SPTB: variants seen among roughly 807,000 people sequenced by gnomAD.
SPTB encodes spectrin beta, erythrocytic.
A neutral mutation model predicts 256.2 loss-of-function variants in SPTB; 45 were observed. The ratio of observed to expected loss-of-function variants is 0.18; its 90% CI spans 0.14 to 0.23. SPTB has a LOEUF of 0.23. SPTB is among the 10% of genes least tolerant of loss of function. The probability of loss-of-function intolerance (pLI) is 1.00; values close to 1 mark genes in which losing one functional copy is unlikely to be tolerated. For synonymous variants in SPTB, 1,231 were observed against 1,243.1 expected (o/e 0.99, Z 0.21); for missense variants, 2,715 against 3,040.4 (o/e 0.89, Z 2.52).
chr14:64,805,023 G>C lies in SPTB; in HGVS notation c.216C>G (p.Ser72=). The C allele has an allele frequency of 1.2e-6, 2 of 1,613,856 alleles. No homozygotes were observed. Among genetic ancestry groups the C allele is most frequent in the Non-Finnish European group, 1.7e-6 (2 of 1,179,954 alleles). The change falls in exon 3 of 36, where the codon TCC becomes TCG. Residue 72 remains serine (S), a synonymous_variant. Transcript: ENST00000644917. The part of the protein sequence containing the change: ...KWVNSHLARV[S]CRITDLYKDL... ...CCTTGTAGAGATCGGTGATGCGGCAGGACACTCGAGCCAGGTGCGAGTTCA... is the reference window on the plus strand; with the variant it reads ...CCTTGTAGAGATCGGTGATGCGGCACGACACTCGAGCCAGGTGCGAGTTCA...
Position 64,786,028 on chromosome 14 carries a change from C to G in SPTB, c.3562-77G>C, listed in dbSNP as rs1311567592. ...GAGCACACCTCCCAAGTGGGAGCAC[C>G]ACGTGCAGCCACACAGGCCACGGTA... is the stretch of plus-strand genomic sequence containing the variant. On this transcript the variant is annotated intron_variant, in intron 16 of 35. Coordinates refer to ENST00000644917, the MANE Select transcript of SPTB (RefSeq NM_001355436.2). This position sits in a 1 kb window ranked among gnomAD's most constrained non-coding sequence, Gnocchi z 5.6. The G allele has an allele frequency of 1.4e-6, 2 of 1,432,894 alleles. No individual in the cohort carries two copies. Among genetic ancestry groups the G allele is most frequent in the African/African-American group, 1.4e-5 (1 of 71,270 alleles). The allele number at this position is 1,432,894 out of a possible 1,614,324, so 88.8% of individuals were successfully genotyped here.
intron 24 of SPTB, 29 bp from the exon 25 acceptor site, chr14:64,773,453 G>A: frequency 1.2e-6 from 2 of 1,610,770 alleles, no homozygotes; most frequent in Non-Finnish European, 1.7e-6. Context: ...AAGGCCCTCA[G>A]AGACGGCAGC....
chr14:64,837,674 T>C (rs2139742964), intron 1 of SPTB, among the ~76,000 whole-genome samples: 1 of 152,350 alleles, frequency 6.6e-6, no homozygotes, highest in South Asian at 2.1e-4. Flanking sequence ...CGATCTCAGC[T>C]CACTGCAACC....
At chr14:64,833,283 G>A (rs1474626736) in intron 1 of SPTB, among the ~76,000 whole-genome samples, 1 of 152,204 alleles carries the variant, frequency 6.6e-6, no homozygotes, top group African/African-American at 2.4e-5. Context: ...GGGCGCGGTG[G>A]CTCACGCCCA....
chr14:64,836,776 G>A (rs2083529166), intron 1 of SPTB, among the ~76,000 whole-genome samples: 1 of 152,314 alleles, frequency 6.6e-6, no homozygotes, highest in African/African-American at 2.4e-5. Context: ...CACATGGTAG[G>A]TACTCAATTA....
At position 64,763,509 on chromosome 14, in the gene SPTB, C is replaced by T. The variant is rs557879542; in HGVS notation, c.6345+3217G>A. On this transcript the variant is annotated intron_variant, in intron 32 of 35. Transcript: ENST00000644917. ...AAGAGGAAAGTGGTGAAAACCACCT[C>T]TCCCAGCCCCTCCCTGTAATTTGCT... Among the ~76,000 whole-genome samples, 33 of 152,394 alleles carry T rather than the reference C, an allele frequency of 2.2e-4. No individual in the cohort carries two copies. The South Asian group carries it at 3.7e-3, about 17-fold the overall frequency.
In SPTB at chr14:64,770,953, G is replaced by C; in HGVS notation, c.5730C>G (p.Ser1910Arg). 1 of 1,614,138 alleles carries C rather than the reference G, an allele frequency of 6.2e-7. No individual in the cohort carries two copies. The highest frequency in any genetic ancestry group is 8.5e-7 in the Non-Finnish European group (1 of 1,180,038). The change falls in exon 27 of 36, where the codon AGC (serine) becomes AGG (arginine). Residue 1910 changes from serine (S) to arginine (R), a missense_variant. This residue lies in a region of SPTB where 2,239 missense variants were observed against 2,384.4 expected (regional missense o/e 0.94). Coordinates refer to ENST00000644917, the MANE Select transcript of SPTB (RefSeq NM_001355436.2). ...TCCAGGAGAGGAGGTCACGGGCCATGCTGAAGAAGCGGAATTTATCCGCCG... is the reference window on the plus strand; with the variant it reads ...TCCAGGAGAGGAGGTCACGGGCCATCCTGAAGAAGCGGAATTTATCCGCCG... Reference protein sequence around the residue: ...VDTADKFRFFSMARDLLSWME... With the variant: ...VDTADKFRFFRMARDLLSWME...
Position 64,801,742 on chromosome 14 carries a change from C to T in SPTB, c.647+12G>A. ...TCTCAGTCAGTCCCCACGGCTGTCC[C>T]CTCCCTCTTACCGGTGCTTGTGTAT... is the stretch of plus-strand genomic sequence containing the variant. On this transcript the variant is annotated intron_variant, in intron 6 of 35. Transcript: ENST00000644917. 1 of 1,613,524 alleles carries T rather than the reference C, an allele frequency of 6.2e-7. No individual in the cohort carries two copies. The highest frequency in any genetic ancestry group is 8.5e-7 in the Non-Finnish European group (1 of 1,179,534).
At chr14:64,870,252 G>A (rs1055572375) in intron 1 of SPTB, among the ~76,000 whole-genome samples, 4 of 151,096 alleles carry the variant, frequency 2.6e-5, no homozygotes, top group African/African-American at 7.3e-5. Context: ...AATCCACAAG[G>A]AAAATTTTAA....
chr14:64,812,237 A>C (rs2750083), intron 2 of SPTB, among the ~76,000 whole-genome samples: 17,866 of 152,230 alleles, frequency 0.12, 1,842 homozygotes, highest in African/African-American at 0.27. Flanking sequence ...GCGTGAGCCA[A>C]CGCGCCCAGC....
Position 64,785,566 on chromosome 14 carries a change from G to A in SPTB, c.3826C>T (p.Leu1276=). The change falls in exon 18 of 36, where the codon CTA becomes TTA. Residue 1276 remains leucine, a synonymous_variant. Transcript: ENST00000644917. The surrounding 1 kb of genome is among the most constrained non-coding windows in gnomAD (Gnocchi z 4.4). ...ASVLLRDNLE[L]QNFLQNCQEL... ...TGGCAGTTCTGGAGGAAGTTCTGTA[G>A]CTCCAGGTTGTCTCTCAGTAGGACA... 1.9e-6 allele frequency: 3 copies of A among 1,613,920 alleles called. No homozygotes were observed. The South Asian group carries it at 3.3e-5, about 18-fold the overall frequency.
At chr14:64,808,825 G>T (rs764101903) in intron 2 of SPTB, among the ~76,000 whole-genome samples, 2 of 152,114 alleles carry the variant, frequency 1.3e-5, no homozygotes, top group Non-Finnish European at 2.9e-5. Context: ...GACACATATG[G>T]TCAATGCTCG....
intron 9 of SPTB, 126 bp downstream of exon 9, chr14:64,799,621 A>T: frequency 8.9e-7 from 1 of 1,129,684 alleles, no homozygotes; most frequent in Non-Finnish European, 1.3e-6. Context: ...TGACACACAT[A>T]CAGCTCTCTA....
At chr14:64,836,002 C>T (rs1384667800) in intron 1 of SPTB, among the ~76,000 whole-genome samples, 4 of 152,124 alleles carry the variant, frequency 2.6e-5, no homozygotes, top group Admixed American at 2.6e-4. Flanking sequence ...TGGGGTCTAC[C>T]AGTATCAATA....
intron 32 of SPTB, chr14:64,755,523 A>C (rs2082007044): frequency 6.6e-6 from 1 of 152,250 alleles, no homozygotes; most frequent in African/African-American, 2.4e-5. Flanking sequence ...GAAAGTTTGG[A>C]AACCACTGAC....
rs1480018132 is a variant in SPTB at position 64,802,178 on chromosome 14, G to T, written c.566+48C>A. On this transcript the variant is annotated intron_variant, in intron 5 of 35. Coordinates refer to ENST00000644917, the MANE Select transcript of SPTB (RefSeq NM_001355436.2). This position sits in a 1 kb window ranked among gnomAD's most constrained non-coding sequence, Gnocchi z 5.1. The stretch of plus-strand genomic sequence containing the variant: ...CTGGAGATGGCAGTGCTTGTGCGGA[G>T]CAAGGGGCTGGTGGTGGATGTGCTA... The T allele has an allele frequency of 1.3e-6, 2 of 1,567,128 alleles. No homozygotes were observed. The highest frequency in any genetic ancestry group is 3.3e-5 in the Admixed American group (2 of 59,780).
chr14:64,868,038 G>A (rs896195498), intron 1 of SPTB, among the ~76,000 whole-genome samples: 9 of 152,092 alleles, frequency 5.9e-5, no homozygotes, highest in South Asian at 2.1e-4. Context: ...AAGAGAGGTC[G>A]GAACAGATTG....
chr14:64,789,889 T>C (rs985197076), intron 15 of SPTB, among the ~76,000 whole-genome samples: 2 of 152,020 alleles, frequency 1.3e-5, no homozygotes, highest in South Asian at 4.2e-4. Flanking sequence ...GGAGGGAGAA[T>C]GCACCCTGAG....
intron 1 of SPTB, among the ~76,000 whole-genome samples, chr14:64,865,460 C>T (rs936698907): frequency 3.3e-5 from 5 of 152,094 alleles, no homozygotes; most frequent in African/African-American, 4.8e-5. Context: ...GGATCAACTC[C>T]GCATCCCTCC....
Sources: allele counts gnomAD v4.1 joint callset (sites outside exome capture counted in the v4.1 genomes callset), GRCh38; gene constraint gnomAD v4.1.1; regional missense constraint gnomAD v4.1.1; non-coding constraint Gnocchi (gnomAD v3.1); transcripts MANE v1.5; gene names NCBI Gene and HGNC (gene_info 2026-07-23, HGNC 2026-07-21).